ADD2: variants seen among roughly 807,000 people sequenced by gnomAD.
ADD2 encodes the protein adducin 2.
Under a neutral mutation model 83.0 loss-of-function variants are expected in ADD2, and 23 were observed. That is an observed-to-expected ratio of 0.28 (90% CI 0.20 to 0.39). The LOEUF is 0.39. Ranked by LOEUF, ADD2 falls within the 10% of genes least tolerant of loss-of-function variation. The probability of loss-of-function intolerance (pLI) is 1.00; values close to 1 mark genes in which losing one functional copy is unlikely to be tolerated. For missense variants in ADD2, 758 were observed against 944.9 expected (o/e 0.80, Z 2.59); for synonymous variants, 375 against 375.4 (o/e 1.00, Z 0.01).
chr2:70,677,046 C>G (rs1343348798), intron 12 of ADD2, among the ~76,000 whole-genome samples, 161 bp from the exon 13 acceptor site: 1 of 152,106 alleles, frequency 6.6e-6, no homozygotes, highest in African/African-American at 2.4e-5. Flanking sequence ...GGGGGGGCCT[C>G]CAAGTCTGTT....
At chr2:70,762,351 T>C (rs1553385169) in intron 1 of ADD2, among the ~76,000 whole-genome samples, 1 of 151,590 alleles carries the variant, frequency 6.6e-6, no homozygotes, top group African/African-American at 2.4e-5. Flanking sequence ...AAAAATACAA[T>C]GAGACAAAGC....
intron 4 of ADD2, among the ~76,000 whole-genome samples, chr2:70,700,451 T>C (rs1671533230): frequency 6.6e-6 from 1 of 152,066 alleles, no homozygotes; most frequent in African/African-American, 2.4e-5. Context: ...AGGCCAAACA[T>C]ATACTCATAG....
At chr2:70,741,658 T>C (rs1172262583) in intron 1 of ADD2, among the ~76,000 whole-genome samples, 3 of 152,254 alleles carry the variant, frequency 2.0e-5, no homozygotes, top group South Asian at 2.1e-4. Flanking sequence ...GCCTTCCTCC[T>C]GCTGCAGTCA....
intron 10 of ADD2, 50 bp from the exon 11 acceptor site, chr2:70,679,011 T>C: frequency 1.3e-6 from 2 of 1,539,782 alleles, no homozygotes; most frequent in South Asian, 1.3e-5. Context: ...AAAAGGCCTG[T>C]ACCTGCACAT....
At chr2:70,766,915 A>G (rs1377344708) in intron 1 of ADD2, among the ~76,000 whole-genome samples, 1 of 152,304 alleles carries the variant, frequency 6.6e-6, no homozygotes, top group East Asian at 1.9e-4. Context: ...TTTTTTAAAG[A>G]ATTTGATAGG....
At chr2:70,705,409 G>T (rs1553374232) in intron 3 of ADD2, among the ~76,000 whole-genome samples, 1 of 122,924 alleles carries the variant, frequency 8.1e-6, no homozygotes, top group East Asian at 2.5e-4. Flanking sequence ...AGGCAGAGCG[G>T]CTCCCATCTC....
intron 1 of ADD2, among the ~76,000 whole-genome samples, chr2:70,721,867 AT>A (rs1324280053): frequency 2.6e-5 from 4 of 152,232 alleles, no homozygotes; most frequent in Admixed American, 6.5e-5. Flanking sequence ...TCATTTCTGG[AT>A]GGTGGAGTGA....
At chr2:70,702,787 C>G (rs141937553) in intron 4 of ADD2, among the ~76,000 whole-genome samples, 18 of 151,454 alleles carry the variant, frequency 1.2e-4, no homozygotes, top group African/African-American at 4.4e-4. Context: ...AAATAATACA[C>G]TAATAGGAAA....
intron 13 of ADD2, 123 bp from the exon 14 acceptor site, chr2:70,674,948 T>C: frequency 7.0e-7 from 1 of 1,430,652 alleles, no homozygotes; most frequent in Non-Finnish European, 9.3e-7. Flanking sequence ...GGCATGCAGC[T>C]CCTTGGAAAC....
intron 3 of ADD2, among the ~76,000 whole-genome samples, chr2:70,705,983 T>A (rs975155518): frequency 3.9e-5 from 6 of 152,164 alleles, no homozygotes; most frequent in Non-Finnish European, 8.8e-5. Context: ...GGGGGACTCC[T>A]GTCTCCGTCC....
chr2:70,767,666 G>T lies in ADD2; in HGVS notation c.-154+220C>A, dbSNP rs1382387055. On this transcript the variant is annotated intron_variant, in intron 1 of 15. Transcript: ENST00000264436. ...CCCCAAGCAGGGGCCAGTGCTTGCA[G>T]CCCCGATTTCCTAAGAGCCTCGGAT... 3 of 1,374,820 alleles carry T rather than the reference G, an allele frequency of 2.2e-6. No homozygotes were observed. In the African/African-American group the frequency reaches 4.5e-5, roughly 21 times the overall value. The allele number at this position is 1,374,820 out of a possible 1,614,324, so 85.2% of individuals were successfully genotyped here. A position where few individuals can be genotyped will look rare whatever the true frequency, so the allele number is the denominator to read the frequency against.
At chr2:70,734,330 C>T (rs140350275) in intron 1 of ADD2, among the ~76,000 whole-genome samples, 4,583 of 152,202 alleles carry the variant, frequency 0.03, 103 homozygotes, top group Non-Finnish European at 0.047. Flanking sequence ...AGCACTTTCT[C>T]CCTCTAAAAC....
At chr2:70,707,246 T>C (rs1671951620) in intron 2 of ADD2, among the ~76,000 whole-genome samples, 1 of 152,232 alleles carries the variant, frequency 6.6e-6, no homozygotes, top group Admixed American at 6.5e-5. Flanking sequence ...TGTGCAACTT[T>C]ATTAATGGAA....
At chr2:70,755,370 C>G (rs1300985856) in intron 1 of ADD2, among the ~76,000 whole-genome samples, 2 of 152,206 alleles carry the variant, frequency 1.3e-5, no homozygotes, top group Admixed American at 6.5e-5. Flanking sequence ...TGCTGCCTCC[C>G]AAAAGAGCCT....
intron 1 of ADD2, among the ~76,000 whole-genome samples, chr2:70,753,776 C>T (rs1463726475): frequency 3.9e-5 from 6 of 152,126 alleles, no homozygotes; most frequent in South Asian, 2.1e-4. Context: ...GCACAGGATG[C>T]TTTTTTGAGA....
At position 70,673,016 on chromosome 2, in the gene ADD2, C is replaced by T. The variant is rs974451800; in HGVS notation, c.1742-10G>A. 10 of 1,609,426 alleles carry T rather than the reference C, an allele frequency of 6.2e-6. No individual in the cohort carries two copies. Among genetic ancestry groups the T allele is most frequent in the Non-Finnish European group, 8.5e-6 (10 of 1,178,928 alleles). Reference sequence around the variant, plus strand: ...GCAGTTTCTTTCTCTCCTGAAAAAACAGAAAAACACCTCAGGATAGAGGTC... The same window carrying T: ...GCAGTTTCTTTCTCTCCTGAAAAAATAGAAAAACACCTCAGGATAGAGGTC... On this transcript the variant is annotated splice_polypyrimidine_tract_variant and intron_variant, in intron 14 of 15. Coordinates refer to ENST00000264436, the MANE Select transcript of ADD2 (RefSeq NM_001617.4).
At chr2:70,669,836 C>T (rs17698409) in intron 15 of ADD2, among the ~76,000 whole-genome samples, 4,129 of 152,214 alleles carry the variant, frequency 0.027, 73 homozygotes, top group Non-Finnish European at 0.043. Flanking sequence ...CATGGGTGGG[C>T]CCTGAGACCA....
intron 7 of ADD2, 99 bp from the exon 8 acceptor site, chr2:70,691,028 G>A: frequency 2.1e-6 from 3 of 1,426,056 alleles, no homozygotes; most frequent in Non-Finnish European, 2.8e-6. Context: ...TGAGGGGTGA[G>A]GGGTGAGGAG....
At chr2:70,696,083 C>T (rs1460166852) in intron 5 of ADD2, among the ~76,000 whole-genome samples, 162 bp downstream of exon 5, 3 of 152,230 alleles carry the variant, frequency 2.0e-5, no homozygotes, top group Non-Finnish European at 4.4e-5. Context: ...GGCAGGATGC[C>T]TTATCAATGA....
Sources: allele counts gnomAD v4.1 joint callset (sites outside exome capture counted in the v4.1 genomes callset), GRCh38; gene constraint gnomAD v4.1.1; transcripts MANE v1.5; gene names NCBI Gene and HGNC (gene_info 2026-07-23, HGNC 2026-07-21).